GNG7: variants seen among roughly 807,000 people sequenced by gnomAD.
GNG7 encodes the protein G protein subunit gamma 7.
GNG7 carries 1 observed loss-of-function variant against 4.0 expected under a neutral mutation model. The ratio of observed to expected loss-of-function variants is 0.25; its 90% CI spans 0.09 to 1.18. The LOEUF (loss-of-function observed/expected upper bound fraction) is 1.18, where lower values mean the gene tolerates loss of function less well. Among genes scored for constraint, GNG7 ranks in the 50% most tolerant of loss-of-function variants. GNG7 has a pLI of 0.50. For synonymous variants in GNG7, 34 were observed against 36.9 expected (o/e 0.92, Z 0.29); for missense variants, 86 against 91.9 (o/e 0.94, Z 0.26).
chr19:2,664,199 G>A (rs757380284), intron 1 of GNG7, among the ~76,000 whole-genome samples: 4 of 152,188 alleles, frequency 2.6e-5, no homozygotes, highest in African/African-American at 9.7e-5. Context: ...CTGCCAGCAC[G>A]TGGCAGGGGC....
chr19:2,669,783 G>A (rs1983403862), intron 1 of GNG7, among the ~76,000 whole-genome samples: 2 of 152,118 alleles, frequency 1.3e-5, no homozygotes, highest in Admixed American at 6.5e-5. Context: ...GCTGAGGCGG[G>A]AGGATCACTT....
At chr19:2,636,278 C>T (rs1982305679) in intron 2 of GNG7, among the ~76,000 whole-genome samples, 2 of 152,146 alleles carry the variant, frequency 1.3e-5, no homozygotes, top group South Asian at 2.1e-4. Context: ...CACTCAGGGG[C>T]GCACGAGTCT....
intron 2 of GNG7, among the ~76,000 whole-genome samples, chr19:2,560,208 G>A (rs150685782): frequency 1.4e-3 from 211 of 152,138 alleles, no homozygotes; most frequent in African/African-American, 4.6e-3. Context: ...CGGCGAATTC[G>A]CAAATACGGA....
intron 3 of GNG7, among the ~76,000 whole-genome samples, chr19:2,535,504 A>C (rs1002879582): frequency 4.6e-5 from 7 of 151,744 alleles, no homozygotes; most frequent in Non-Finnish European, 1.0e-4. Context: ...TGTCTCAAAA[A>C]AAAAAAAAAA....
intron 3 of GNG7, among the ~76,000 whole-genome samples, chr19:2,549,060 A>G (rs1979227973): frequency 6.6e-6 from 1 of 150,550 alleles, no homozygotes; most frequent in Non-Finnish European, 1.5e-5. Flanking sequence ...TGCAAACCCG[A>G]GGGACCCCAG....
At chr19:2,612,228 G>T (rs1383395602) in intron 2 of GNG7, among the ~76,000 whole-genome samples, 1 of 151,872 alleles carries the variant, frequency 6.6e-6, no homozygotes, top group African/African-American at 2.4e-5. Context: ...TCTCCCCTGG[G>T]GCCCCATCCT....
At chr19:2,616,796 G>T (rs1282108445) in intron 2 of GNG7, among the ~76,000 whole-genome samples, 1 of 151,862 alleles carries the variant, frequency 6.6e-6, no homozygotes, top group Non-Finnish European at 1.5e-5. Context: ...GACAAATATA[G>T]CTGGTGGGTT....
intron 2 of GNG7, among the ~76,000 whole-genome samples, chr19:2,570,454 C>T (rs1302738419): frequency 2.0e-5 from 3 of 152,192 alleles, no homozygotes; most frequent in Non-Finnish European, 4.4e-5. Flanking sequence ...GGAAACTTCC[C>T]TTTCCAGCCA....
chr19:2,526,892 CT>C (rs11318168), intron 3 of GNG7, among the ~76,000 whole-genome samples: 55,490 of 151,072 alleles, frequency 0.37, 10,242 homozygotes, highest in South Asian at 0.43. Context: ...GTCGCCCAGG[CT>C]GGAGTGCAGT....
chr19:2,574,963 T>C (rs1225453742), intron 2 of GNG7, among the ~76,000 whole-genome samples: 2 of 152,226 alleles, frequency 1.3e-5, no homozygotes, highest in African/African-American at 4.8e-5. Context: ...TGAAAGGCTA[T>C]CAGCTCCAGC....
intron 2 of GNG7, among the ~76,000 whole-genome samples, chr19:2,568,118 CACAT>C (rs1279725827): frequency 6.6e-6 from 1 of 151,670 alleles, no homozygotes. Flanking sequence ...TGCACATACA[CACAT>C]ATAGACATAC....
intron 1 of GNG7, among the ~76,000 whole-genome samples, chr19:2,691,938 G>A (rs1007791849): frequency 7.9e-5 from 12 of 151,946 alleles, no homozygotes; most frequent in Admixed American, 6.6e-4. Flanking sequence ...GATGACAGAG[G>A]CAGAAATTGG....
At chr19:2,585,331 G>A (rs553609751) in intron 2 of GNG7, among the ~76,000 whole-genome samples, 83 of 151,994 alleles carry the variant, frequency 5.5e-4, no homozygotes, top group African/African-American at 1.4e-3. Flanking sequence ...ATCTTTCTGC[G>A]TATATATAGA....
rs1306106498 is a variant in GNG7, at chr19:2,626,926, G to A, written c.-78+19298C>T. On this transcript the variant is annotated intron_variant, in intron 2 of 4. Coordinates refer to ENST00000382159, the MANE Select transcript of GNG7 (RefSeq NM_052847.3). This position sits in a 1 kb window ranked among gnomAD's most constrained non-coding sequence, Gnocchi z 5.0. ...TCAGTGTCCACAGTGCCCAGGGGGA[G>A]AGACCTGCTTTAATTATTTGGGAAT... 6.6e-6 allele frequency among the ~76,000 whole-genome samples: 1 copy of A among 151,746 alleles called. No individual in the cohort carries two copies. Among genetic ancestry groups the A allele is most frequent in the Admixed American group, 6.6e-5 (1 of 15,240 alleles).
intron 2 of GNG7, among the ~76,000 whole-genome samples, chr19:2,555,781 C>T (rs1040965497): frequency 1.3e-5 from 2 of 152,130 alleles, no homozygotes; most frequent in Admixed American, 1.3e-4. Flanking sequence ...GATTGGTCTC[C>T]GGGGGTCGGG....
intron 1 of GNG7, among the ~76,000 whole-genome samples, chr19:2,671,843 A>C (rs1983461223): frequency 6.6e-6 from 1 of 151,442 alleles, no homozygotes; most frequent in Non-Finnish European, 1.5e-5. Flanking sequence ...CGAGGTCAGC[A>C]GATCGAGACC....
intron 2 of GNG7, among the ~76,000 whole-genome samples, chr19:2,607,567 A>T (rs893180842): frequency 1.1e-5 from 1 of 92,928 alleles, no homozygotes; most frequent in Admixed American, 1.3e-4. Context: ...AATGGTAAAA[A>T]AAAAAAAAAA....
At chr19:2,651,244 CTTTCCT>C (rs1982805591) in intron 1 of GNG7, among the ~76,000 whole-genome samples, 1 of 76,436 alleles carries the variant, frequency 1.3e-5, no homozygotes. Flanking sequence ...TCCTTCCTTC[CTTTCCT>C]TCCTTCCTTC....
At chr19:2,562,076 C>T (rs1979758578) in intron 2 of GNG7, among the ~76,000 whole-genome samples, 1 of 151,990 alleles carries the variant, frequency 6.6e-6, no homozygotes, top group Admixed American at 6.6e-5. Flanking sequence ...AGTCTCTCTG[C>T]GTTCTGCTTC....
Sources: gnomAD v4.1 joint callset for allele counts (sites outside exome capture counted in the v4.1 genomes callset) on GRCh38, gnomAD v4.1.1 for gene constraint, Gnocchi (gnomAD v3.1) non-coding constraint, MANE v1.5 for transcripts, NCBI Gene and HGNC (gene_info 2026-07-23, HGNC 2026-07-21) for gene names.